SPAG16: variants seen among roughly 807,000 people sequenced by gnomAD.
SPAG16 encodes sperm-associated antigen 16 protein.
Under a neutral mutation model 80.4 loss-of-function variants are expected in SPAG16, and 86 were observed. The ratio of observed to expected loss-of-function variants is 1.07; its 90% CI spans 0.90 to 1.28. The LOEUF (loss-of-function observed/expected upper bound fraction) is 1.28, where lower values mean the gene tolerates loss of function less well. Ranked by LOEUF, SPAG16 falls within the 50% of genes most tolerant of loss-of-function variation. The pLI is 0.00. For synonymous variants in SPAG16, 294 were observed against 265.9 expected (o/e 1.11, Z -1.03); for missense variants, 870 against 765.3 (o/e 1.14, Z -1.61).
At chr2:214,088,386 G>A (rs568287001) in intron 13 of SPAG16, among the ~76,000 whole-genome samples, 1 of 151,896 alleles carries the variant, frequency 6.6e-6, no homozygotes, top group African/African-American at 2.4e-5. Context: ...ACTGAAGCCT[G>A]TTCCACAAAG....
chr2:213,890,419 C>T (rs537518453), intron 11 of SPAG16, among the ~76,000 whole-genome samples: 11 of 152,024 alleles, frequency 7.2e-5, no homozygotes, highest in South Asian at 2.1e-4. Context: ...AGTAAATGTG[C>T]GTGAGCTACA....
chr2:214,134,184 C>T (rs1255416436), intron 14 of SPAG16, among the ~76,000 whole-genome samples: 1 of 152,182 alleles, frequency 6.6e-6, no homozygotes, highest in Non-Finnish European at 1.5e-5. Context: ...AGCACCTGTT[C>T]TTTCCTGATT....
chr2:213,869,716 A>G (rs2075876430), intron 11 of SPAG16, among the ~76,000 whole-genome samples: 1 of 152,046 alleles, frequency 6.6e-6, no homozygotes, highest in African/African-American at 2.4e-5. Context: ...TAAAAAGAAA[A>G]TAAATATTTC....
chr2:213,460,758 GC>G, intron 9 of SPAG16, among the ~76,000 whole-genome samples: 1 of 152,248 alleles, frequency 6.6e-6, no homozygotes, highest in Non-Finnish European at 1.5e-5. Context: ...GTTACATAAT[GC>G]TACGGTTGGT....
At chr2:213,888,133 G>A (rs899703148) in intron 11 of SPAG16, among the ~76,000 whole-genome samples, 1 of 151,766 alleles carries the variant, frequency 6.6e-6, no homozygotes, top group African/African-American at 2.4e-5. Context: ...ATAGACTTAT[G>A]TTTTCTTATT....
rs117507994 is a variant in SPAG16, at chr2:214,371,009, C to T, written c.1721-39131C>T. On this transcript the variant is annotated intron_variant, in intron 15 of 15. Coordinates refer to ENST00000331683, the MANE Select transcript of SPAG16 (RefSeq NM_024532.5). ...AGGCTTTTAGTCCCCATCCTCTGTGCTTGCTCCAGATCGCATTAGAGTCCT... is the reference window on the plus strand; with the variant it reads ...AGGCTTTTAGTCCCCATCCTCTGTGTTTGCTCCAGATCGCATTAGAGTCCT... Among the ~76,000 whole-genome samples, 112 of 152,280 alleles carry T rather than the reference C, an allele frequency of 7.4e-4. 4 individuals carry two copies. The East Asian group carries it at 0.017, about 24-fold the overall frequency.
chr2:213,804,584 G>A (rs1286012376), intron 10 of SPAG16, among the ~76,000 whole-genome samples: 1 of 152,208 alleles, frequency 6.6e-6, no homozygotes, highest in Non-Finnish European at 1.5e-5. Context: ...CCGGGAGGCT[G>A]AGGCAGGAGA....
At chr2:214,005,225 A>T (rs542596314) in intron 12 of SPAG16, among the ~76,000 whole-genome samples, 3 of 152,098 alleles carry the variant, frequency 2.0e-5, no homozygotes, top group Non-Finnish European at 4.4e-5. Context: ...TCCTGCACCC[A>T]TATTCTTTGC....
At chr2:214,031,334 A>G (rs535708686) in intron 13 of SPAG16, among the ~76,000 whole-genome samples, 6 of 149,442 alleles carry the variant, frequency 4.0e-5, no homozygotes, top group Non-Finnish European at 8.9e-5. Context: ...AAACTATCGC[A>G]AGGACAAAAA....
chr2:214,144,828 A>G (rs893525979), intron 14 of SPAG16, among the ~76,000 whole-genome samples: 2 of 152,120 alleles, frequency 1.3e-5, no homozygotes, highest in African/African-American at 4.8e-5. Flanking sequence ...CCAAGAAACT[A>G]CTTAGCTGAC....
intron 11 of SPAG16, among the ~76,000 whole-genome samples, chr2:213,890,331 T>C (rs1274061621): frequency 6.6e-6 from 1 of 152,088 alleles, no homozygotes; most frequent in Admixed American, 6.6e-5. Context: ...CATTTTCCTT[T>C]AAGTAATCTT....
chr2:213,699,577 A>G (rs1465205408), intron 10 of SPAG16, among the ~76,000 whole-genome samples: 6 of 152,198 alleles, frequency 3.9e-5, no homozygotes, highest in Non-Finnish European at 7.3e-5. Flanking sequence ...GATGTCTAGT[A>G]TGCTTATGGA....
At chr2:213,293,388 G>A (rs914347417) in intron 1 of SPAG16, among the ~76,000 whole-genome samples, 1 of 152,192 alleles carries the variant, frequency 6.6e-6, no homozygotes, top group African/African-American at 2.4e-5. Context: ...CTCACACACT[G>A]AGTAGACGTG....
At position 213,381,901 on chromosome 2, in the gene SPAG16, T is replaced by C. The variant is rs552224032; in HGVS notation, c.942+6782T>C. On this transcript the variant is annotated intron_variant, in intron 9 of 15. Transcript: ENST00000331683. ...TTTAGGCAACATAGGTGATCAGATA[T>C]ACTGCCAAGATTTCTGTTCACCTGA... Among the ~76,000 whole-genome samples, 6 of 152,356 alleles carry C rather than the reference T, an allele frequency of 3.9e-5. No individual in the cohort carries two copies. The South Asian group carries it at 6.2e-4, about 16-fold the overall frequency.
intron 10 of SPAG16, among the ~76,000 whole-genome samples, chr2:213,729,646 A>T (rs1820570): frequency 0.92 from 140,813 of 152,266 alleles, 66,154 homozygotes; most frequent in East Asian, 1. Context: ...GCTTATAAAC[A>T]ACATTGAAAT....
intron 9 of SPAG16, among the ~76,000 whole-genome samples, chr2:213,435,515 G>T (rs137993297): frequency 1.6e-4 from 24 of 152,138 alleles, no homozygotes; most frequent in African/African-American, 5.1e-4. Context: ...AAAACTGCAC[G>T]TGTAACTCTT....
At chr2:214,295,936 A>G (rs1420221986) in intron 15 of SPAG16, among the ~76,000 whole-genome samples, 1 of 152,140 alleles carries the variant, frequency 6.6e-6, no homozygotes, top group Non-Finnish European at 1.5e-5. Flanking sequence ...ATATATGTGC[A>G]TGTTTGTTAA....
intron 10 of SPAG16, among the ~76,000 whole-genome samples, chr2:213,555,065 TAA>T (rs2059385935): frequency 6.7e-6 from 1 of 149,866 alleles, no homozygotes; most frequent in African/African-American, 2.5e-5. Context: ...AAAAAACAAA[TAA>T]AAAGAGGGGA....
chr2:214,200,547 C>T (rs2057979815), intron 15 of SPAG16, among the ~76,000 whole-genome samples: 1 of 151,934 alleles, frequency 6.6e-6, no homozygotes, highest in Non-Finnish European at 1.5e-5. Context: ...CTGTAGTTTC[C>T]TTTTTTCATA....
Sources: allele counts gnomAD v4.1 joint callset (sites outside exome capture counted in the v4.1 genomes callset), GRCh38; gene constraint gnomAD v4.1.1; transcripts MANE v1.5; gene names NCBI Gene and HGNC (gene_info 2026-07-23, HGNC 2026-07-21).